ADAMTSL1: variants seen among roughly 807,000 people sequenced by gnomAD.
ADAMTSL1 encodes the protein ADAMTS-like protein 1.
Under a neutral mutation model 201.8 loss-of-function variants are expected in ADAMTSL1, and 126 were observed. The ratio of observed to expected loss-of-function variants is 0.62; its 90% CI spans 0.54 to 0.72. ADAMTSL1 has a LOEUF of 0.72. Among genes scored for constraint, ADAMTSL1 ranks in the 30% least tolerant of loss-of-function variants. The pLI is 0.00. For missense variants in ADAMTSL1, 2,679 were observed against 2,277.8 expected, an observed-to-expected ratio of 1.18 and a Z score of -3.59; for synonymous variants, 1,121 against 903.4, an observed-to-expected ratio of 1.24 and a Z score of -4.32.
intron 2 of ADAMTSL1, among the ~76,000 whole-genome samples, chr9:18,165,783 G>A (rs983961649): frequency 1.9e-4 from 29 of 151,938 alleles, no homozygotes; most frequent in Admixed American, 5.3e-4. Context: ...GTCTCCATAC[G>A]TGAGAGCTTC....
chr9:18,717,089 G>GT (rs1455581253), intron 14 of ADAMTSL1, among the ~76,000 whole-genome samples: 2 of 146,696 alleles, frequency 1.4e-5, no homozygotes, highest in Non-Finnish European at 3.0e-5. Context: ...CTGTGGTGGG[G>GT]TGGGGGGACG....
At chr9:18,453,090 C>T (rs911927135) in intron 2 of ADAMTSL1, among the ~76,000 whole-genome samples, 7 of 152,240 alleles carry the variant, frequency 4.6e-5, no homozygotes, top group Non-Finnish European at 1.0e-4. Context: ...CATGCCCGCA[C>T]AGCTCTTGCT....
chr9:18,865,117 G>C (rs1452074235), intron 23 of ADAMTSL1, among the ~76,000 whole-genome samples: 1 of 151,978 alleles, frequency 6.6e-6, no homozygotes, highest in African/African-American at 2.4e-5. Flanking sequence ...GTACACATGT[G>C]CCATGTTGGT....
intron 21 of ADAMTSL1, among the ~76,000 whole-genome samples, chr9:18,819,046 A>G (rs1161288681): frequency 2.6e-5 from 4 of 152,120 alleles, no homozygotes; most frequent in South Asian, 2.1e-4. Flanking sequence ...CTGCAGAACC[A>G]TCACCCCTCA....
At chr9:18,346,637 C>T (rs1450220144) in intron 2 of ADAMTSL1, among the ~76,000 whole-genome samples, 2 of 152,160 alleles carry the variant, frequency 1.3e-5, no homozygotes, top group Non-Finnish European at 1.5e-5. Flanking sequence ...ACATTGCACA[C>T]AGTTGAAACT....
intron 2 of ADAMTSL1, among the ~76,000 whole-genome samples, chr9:18,507,495 T>G (rs1271088254): frequency 6.6e-6 from 1 of 152,236 alleles, no homozygotes; most frequent in Non-Finnish European, 1.5e-5. Flanking sequence ...TGCTGATTTT[T>G]AAAATATTAG....
intron 2 of ADAMTSL1, among the ~76,000 whole-genome samples, chr9:18,375,032 A>G (rs532894917): frequency 3.3e-5 from 5 of 152,348 alleles, no homozygotes; most frequent in Non-Finnish European, 1.5e-5. Context: ...CTTTCAGGGC[A>G]CTGGGAAACA....
At chr9:18,660,679 TTTAC>T (rs1212562278) in intron 8 of ADAMTSL1, among the ~76,000 whole-genome samples, 1 of 152,178 alleles carries the variant, frequency 6.6e-6, no homozygotes, top group Non-Finnish European at 1.5e-5. Flanking sequence ...TAAAAGTGCA[TTTAC>T]TTACTTAAAA....
intron 10 of ADAMTSL1, among the ~76,000 whole-genome samples, chr9:18,677,555 C>T (rs889083547): frequency 2.0e-5 from 3 of 151,942 alleles, no homozygotes; most frequent in South Asian, 2.1e-4. Context: ...GAGTAAGCAA[C>T]GTCAAGTTTA....
intron 1 of ADAMTSL1, among the ~76,000 whole-genome samples, chr9:18,125,289 T>C (rs1587108325): frequency 6.6e-6 from 1 of 152,190 alleles, no homozygotes; most frequent in Non-Finnish European, 1.5e-5. Flanking sequence ...GTGAGACTCA[T>C]TCACTACCAT....
intron 13 of ADAMTSL1, 169 bp downstream of exon 13, chr9:18,684,969 A>G (rs1400039316): frequency 1.4e-6 from 2 of 1,386,744 alleles, no homozygotes; most frequent in Non-Finnish European, 9.3e-7. Context: ...TGTTTGTCAA[A>G]GCTGATGATT....
chr9:18,657,611 A>C (rs1210172140), intron 7 of ADAMTSL1, 28 bp from the exon 8 acceptor site: 1 of 1,554,106 alleles, frequency 6.4e-7, no homozygotes, highest in South Asian at 1.1e-5. Context: ...CTGTCACATT[A>C]CTTCTACTTT....
chr9:18,110,124 C>T (rs988666889), intron 1 of ADAMTSL1, among the ~76,000 whole-genome samples: 1 of 152,188 alleles, frequency 6.6e-6, no homozygotes, highest in Admixed American at 6.5e-5. Flanking sequence ...CTAGAGACTA[C>T]TTTCAGTTAC....
At chr9:17,956,140 C>T (rs563286883) in intron 1 of ADAMTSL1, among the ~76,000 whole-genome samples, 9 of 152,256 alleles carry the variant, frequency 5.9e-5, no homozygotes, top group African/African-American at 2.2e-4. Flanking sequence ...AATACTTTAA[C>T]AGAAATTTAC....
chr9:18,210,642 G>T (rs933412413), intron 2 of ADAMTSL1, among the ~76,000 whole-genome samples: 1 of 151,492 alleles, frequency 6.6e-6, no homozygotes, highest in East Asian at 1.9e-4. Flanking sequence ...TTGCATTTCT[G>T]TGGATAAGAA....
chr9:18,530,414 A>T (rs1421113777), intron 2 of ADAMTSL1, among the ~76,000 whole-genome samples: 1 of 152,178 alleles, frequency 6.6e-6, no homozygotes, highest in Non-Finnish European at 1.5e-5. Flanking sequence ...TACCTTTTAA[A>T]AGCAAAATCT....
chr9:17,995,762 T>C (rs1369993113), intron 1 of ADAMTSL1, among the ~76,000 whole-genome samples: 2 of 151,684 alleles, frequency 1.3e-5, no homozygotes, highest in Non-Finnish European at 2.9e-5. Flanking sequence ...TTATAGGAGT[T>C]AGAGTGCTAA....
chr9:18,714,564 AAG>A (rs199962270), intron 14 of ADAMTSL1, among the ~76,000 whole-genome samples: 19,528 of 121,496 alleles, frequency 0.16, 2,117 homozygotes, highest in Middle Eastern at 0.24. Flanking sequence ...TGAATCTCTG[AAG>A]ATAGACCAAT....
At chr9:18,390,201 G>A (rs529356504) in intron 2 of ADAMTSL1, among the ~76,000 whole-genome samples, 10 of 152,032 alleles carry the variant, frequency 6.6e-5, no homozygotes, top group African/African-American at 2.2e-4. Context: ...AGTTACTTAC[G>A]AGATTCGTAG....
Sources: gnomAD v4.1 joint callset for allele counts (sites outside exome capture counted in the v4.1 genomes callset) on GRCh38, gnomAD v4.1.1 for gene constraint, MANE v1.5 for transcripts, NCBI Gene and HGNC (gene_info 2026-07-23, HGNC 2026-07-21) for gene names.